Variants in SARDH observed in about 807,000 individuals in gnomAD.
SARDH encodes the protein sarcosine dehydrogenase, mitochondrial.
Under a neutral mutation model 109.1 loss-of-function variants are expected in SARDH, and 95 were observed. The observed-to-expected ratio is 0.87, with a 90% CI of 0.74 to 1.03. The LOEUF (loss-of-function observed/expected upper bound fraction) is 1.03, where lower values mean the gene tolerates loss of function less well. SARDH is among the 50% of genes least tolerant of loss of function. The probability of loss-of-function intolerance (pLI) is 0.00; values close to 1 mark genes in which losing one functional copy is unlikely to be tolerated. For missense variants in SARDH, 1,267 were observed against 1,287.8 expected, an observed-to-expected ratio of 0.98 and a Z score of 0.25; for synonymous variants, 572 against 534.8, an observed-to-expected ratio of 1.07 and a Z score of -0.96.
At chr9:133,675,493 G>A (rs1471767358) in intron 17 of SARDH, among the ~76,000 whole-genome samples, 2 of 152,222 alleles carry the variant, frequency 1.3e-5, no homozygotes, top group African/African-American at 4.8e-5. Context: ...ATCACTTTGT[G>A]CCCATGAGGA....
intron 19 of SARDH, among the ~76,000 whole-genome samples, chr9:133,669,835 G>A (rs913940103): frequency 7.2e-5 from 11 of 152,242 alleles, no homozygotes; most frequent in Admixed American, 7.2e-4. Context: ...GGGAGGTCGT[G>A]TTGCAGTGAC....
rs1356050403 is a variant in SARDH, at chr9:133,686,177, G to A, written c.2070-891C>T. Among the ~76,000 whole-genome samples the A allele has an allele frequency of 6.6e-6, 1 of 152,060 alleles. No homozygotes were observed. The highest frequency in any genetic ancestry group is 1.5e-5 in the Non-Finnish European group (1 of 67,990). ...ACCCCTGCTTTTAAGCTCTGCGAGG[G>A]TGGGGATTCGCTCCCCACTTTCCCT... On this transcript the variant is annotated intron_variant, in intron 16 of 20. Coordinates refer to ENST00000439388, the MANE Select transcript of SARDH (RefSeq NM_001134707.2). This position sits in a 1 kb window ranked among gnomAD's most constrained non-coding sequence, Gnocchi z 4.0.
At chr9:133,732,700 G>A (rs1832731901) in intron 2 of SARDH, 99 bp from the exon 3 acceptor site, 2 of 1,338,398 alleles carry the variant, frequency 1.5e-6, no homozygotes, top group Non-Finnish European at 2.0e-6. Context: ...AACCATGGGT[G>A]TCTTTCTCTG....
downstream of SARDH, among the ~76,000 whole-genome samples, chr9:133,659,540 A>G (rs150182770): frequency 6.6e-6 from 1 of 152,224 alleles, no homozygotes; most frequent in Admixed American, 6.5e-5. Context: ...TTCTGGAGAC[A>G]GTAACAGATG....
intron 6 of SARDH, among the ~76,000 whole-genome samples, chr9:133,721,275 G>A (rs1177426913): frequency 6.6e-6 from 1 of 152,196 alleles, no homozygotes; most frequent in African/African-American, 2.4e-5. Flanking sequence ...ATCAACAGGG[G>A]ACTGCATCGC....
Position 133,704,336 on chromosome 9 carries a change from C to CTTAAGG in SARDH, c.1554+611_1554+612insCCTTAA, listed in dbSNP as rs1831606710. On this transcript the variant is annotated intron_variant, in intron 12 of 20. Coordinates refer to ENST00000439388, the MANE Select transcript of SARDH (RefSeq NM_001134707.2). The surrounding 1 kb of genome is among the most constrained non-coding windows in gnomAD (Gnocchi z 4.5). ...TCTGTAAATCTGGATCAAATGCTACCCCTCAGCTGGCCTTAAGGCCTCGCG... is the reference window on the plus strand; with the variant it reads ...TCTGTAAATCTGGATCAAATGCTACCTTAAGGCCTCAGCTGGCCTTAAGGCCTCGCG... Among the ~76,000 whole-genome samples, 1 of 152,164 alleles carries CTTAAGG rather than the reference C, an allele frequency of 6.6e-6. No individual in the cohort carries two copies. Among genetic ancestry groups the CTTAAGG allele is most frequent in the Non-Finnish European group, 1.5e-5 (1 of 68,022 alleles).
Position 133,703,070 on chromosome 9 carries a change from C to T in SARDH, c.1555-41G>A, listed in dbSNP as rs758092203. ...GTGGTCCTCAGCCTGCCTCTTTGGCCCCTCCCCGCTTCCCTCCCCAGAGCG... is the reference window on the plus strand; with the variant it reads ...GTGGTCCTCAGCCTGCCTCTTTGGCTCCTCCCCGCTTCCCTCCCCAGAGCG... On this transcript the variant is annotated intron_variant, in intron 12 of 20. Coordinates refer to ENST00000439388, the MANE Select transcript of SARDH (RefSeq NM_001134707.2). 3.2e-6 allele frequency: 5 copies of T among 1,548,952 alleles called. No homozygotes were observed. The South Asian group carries it at 4.6e-5, about 14-fold the overall frequency.
At chr9:133,677,944 A>C (rs1470956194) in intron 17 of SARDH, among the ~76,000 whole-genome samples, 1 of 152,222 alleles carries the variant, frequency 6.6e-6, no homozygotes, top group Non-Finnish European at 1.5e-5. Flanking sequence ...AGTCCCCCAC[A>C]CTTAGGCAAG....
intron 17 of SARDH, among the ~76,000 whole-genome samples, chr9:133,682,480 CCT>C (rs1186621470): frequency 2.0e-5 from 3 of 152,192 alleles, no homozygotes; most frequent in Admixed American, 2.0e-4. Context: ...CCCCAACGGT[CCT>C]CTGAGATGCC....
chr9:133,716,576 C>T (rs994966045), intron 8 of SARDH, among the ~76,000 whole-genome samples: 13 of 151,372 alleles, frequency 8.6e-5, no homozygotes, highest in South Asian at 2.1e-4. Context: ...GCCCCACACC[C>T]GCCCCCTGGG....
intron 3 of SARDH, 45 bp downstream of exon 3, chr9:133,732,378 A>AACCCCCCCCCCTGC: frequency 4.7e-6 from 1 of 214,090 alleles, no homozygotes; most frequent in Non-Finnish European, 9.3e-6. Flanking sequence ...GAGTGCACCC[A>AACCCCCCCCCCTGC]CCCACCCAAG....
rs553159211 is a variant in SARDH at position 133,709,385 on chromosome 9, G to A, written c.1329-957C>T. On this transcript the variant is annotated intron_variant, in intron 10 of 20. Transcript: ENST00000439388. The surrounding 1 kb of genome is among the most constrained non-coding windows in gnomAD (Gnocchi z 4.2). ...GAACTGCTGGCTGGAGTGAGACCCG[G>A]GCCCAGCTGCATCAGGGCCCTGCAG... 3.9e-5 allele frequency among the ~76,000 whole-genome samples: 6 copies of A among 152,208 alleles called. No homozygotes were observed. The East Asian group carries it at 9.7e-4, about 25-fold the overall frequency.
intron 17 of SARDH, among the ~76,000 whole-genome samples, chr9:133,677,046 G>A (rs998930764): frequency 5.3e-5 from 8 of 152,158 alleles, no homozygotes; most frequent in African/African-American, 1.9e-4. Context: ...GGCTGAGGCA[G>A]GAGAATTGGT....
At chr9:133,667,597 C>G (rs1362689424) in intron 19 of SARDH, among the ~76,000 whole-genome samples, 5 of 151,492 alleles carry the variant, frequency 3.3e-5, no homozygotes, top group Non-Finnish European at 7.4e-5. Context: ...AAGCTAAAAT[C>G]AAAGAAAGGC....
intron 13 of SARDH, among the ~76,000 whole-genome samples, chr9:133,702,065 T>A (rs933887250): frequency 4.6e-5 from 7 of 152,208 alleles, no homozygotes; most frequent in African/African-American, 1.7e-4. Flanking sequence ...CCCTGGGCTC[T>A]GAGACTCTGG....
chr9:133,694,552 G>A (rs955272071), intron 14 of SARDH, among the ~76,000 whole-genome samples, 181 bp from the exon 15 acceptor site: 2 of 152,184 alleles, frequency 1.3e-5, no homozygotes, highest in Admixed American at 1.3e-4. Flanking sequence ...TGCCATTTCA[G>A]CTTAATGACC....
At chr9:133,716,223 G>A (rs1017124509) in intron 8 of SARDH, among the ~76,000 whole-genome samples, 1 of 152,222 alleles carries the variant, frequency 6.6e-6, no homozygotes, top group Admixed American at 6.5e-5. Context: ...CCCACGGGCT[G>A]TGATCAGTGA....
At chr9:133,672,973 G>C (rs952983485) in intron 17 of SARDH, among the ~76,000 whole-genome samples, 49 of 152,368 alleles carry the variant, frequency 3.2e-4, no homozygotes, top group African/African-American at 1.1e-3. Context: ...GGGTGCTCTG[G>C]GCTAAGCTTC....
intron 6 of SARDH, among the ~76,000 whole-genome samples, chr9:133,724,963 A>C (rs1832438048): frequency 6.6e-6 from 1 of 152,210 alleles, no homozygotes; most frequent in Non-Finnish European, 1.5e-5. Context: ...CAGCAGCACT[A>C]TTCAAAATAA....
Sources: gnomAD v4.1 joint callset for allele counts (sites outside exome capture counted in the v4.1 genomes callset) on GRCh38, gnomAD v4.1.1 for gene constraint, Gnocchi (gnomAD v3.1) non-coding constraint, MANE v1.5 for transcripts, NCBI Gene and HGNC (gene_info 2026-07-23, HGNC 2026-07-21) for gene names.